The following PGCKA1 variants were observed in gnomAD, a reference collection of about 807,000 sequenced individuals.
PGCKA1 encodes PDCD10 and GCKIII kinases associated 1, also known as PDCD10 and GCKIII kinases-associated protein 1.
the PGCKA1 span, among the ~76,000 whole-genome samples, chr4:37,566,836 C>G: frequency 6.6e-6 from 1 of 152,230 alleles, no homozygotes; most frequent in African/African-American, 2.4e-5. Flanking sequence ...CCCACCTTGG[C>G]CTCCCAAAGT....
At chr4:37,570,146 A>ATTTTTTTT in the PGCKA1 span, among the ~76,000 whole-genome samples, 40 of 78,922 alleles carry the variant, frequency 5.1e-4, no homozygotes, top group African/African-American at 1.5e-3. Context: ...CGCCTGGCTA[A>ATTTTTTTT]TTTTTTTTTT....
At chr4:37,504,542 G>T in the PGCKA1 span, among the ~76,000 whole-genome samples, 1 of 152,100 alleles carries the variant, frequency 6.6e-6, no homozygotes, top group East Asian at 1.9e-4. Flanking sequence ...TATCAATATT[G>T]ATTCAATCCA....
chr4:37,554,497 G>GC, the PGCKA1 span, among the ~76,000 whole-genome samples: 1 of 152,060 alleles, frequency 6.6e-6, no homozygotes, highest in African/African-American at 2.4e-5. Flanking sequence ...ACAGGCATGT[G>GC]CCACCACGCC....
chr4:37,499,918 C>CTTTTTTTTTT, the PGCKA1 span, among the ~76,000 whole-genome samples: 12 of 79,250 alleles, frequency 1.5e-4, 2 homozygotes, highest in East Asian at 4.0e-4. Context: ...GTCTTCCTAA[C>CTTTTTTTTTT]TTTTTTTTTT....
At chr4:37,480,100 T>G in the PGCKA1 span, among the ~76,000 whole-genome samples, 1 of 152,182 alleles carries the variant, frequency 6.6e-6, no homozygotes, top group African/African-American at 2.4e-5. Context: ...AAATTGGCAG[T>G]GCATTAGAAA....
At chr4:37,475,106 C>T in the PGCKA1 span, among the ~76,000 whole-genome samples, 1 of 152,094 alleles carries the variant, frequency 6.6e-6, no homozygotes, top group Non-Finnish European at 1.5e-5. Flanking sequence ...AGGAAAAAGC[C>T]TTCTCGAGTT....
the PGCKA1 span, among the ~76,000 whole-genome samples, chr4:37,467,848 C>G: frequency 2.9e-3 from 438 of 152,292 alleles, 2 homozygotes; most frequent in African/African-American, 0.01. Context: ...ACATGCAGTA[C>G]AACAATTGAC....
chr4:37,578,736 A>G, the PGCKA1 span, among the ~76,000 whole-genome samples: 151,526 of 152,186 alleles, frequency 1, 75,440 homozygotes, highest in Middle Eastern at 1. Context: ...TTTAATTTGA[A>G]GTTGCCATGA....
At chr4:37,577,042 T>A in the PGCKA1 span, among the ~76,000 whole-genome samples, 2 of 152,184 alleles carry the variant, frequency 1.3e-5, no homozygotes, top group East Asian at 3.9e-4. Flanking sequence ...CCTGTAGTTT[T>A]CTTTTTTTTG....
the PGCKA1 span, among the ~76,000 whole-genome samples, chr4:37,560,169 C>T: frequency 6.6e-6 from 1 of 152,200 alleles, no homozygotes; most frequent in African/African-American, 2.4e-5. Context: ...ATGCCAATGC[C>T]ACCATCTCTT....
chr4:37,538,041 CCAT>C, the PGCKA1 span, among the ~76,000 whole-genome samples: 18 of 151,032 alleles, frequency 1.2e-4, no homozygotes, highest in African/African-American at 3.9e-4. Context: ...ACCATCACCA[CCAT>C]CATCATTACC....
the PGCKA1 span, among the ~76,000 whole-genome samples, chr4:37,528,572 T>TGGCA: frequency 3.3e-5 from 5 of 152,274 alleles, no homozygotes; most frequent in Admixed American, 6.5e-5. Context: ...GACAAACGCC[T>TGGCA]GGCACTAGGT....
the PGCKA1 span, among the ~76,000 whole-genome samples, chr4:37,486,412 C>T: frequency 3.9e-5 from 6 of 152,174 alleles, no homozygotes; most frequent in Admixed American, 3.3e-4. Context: ...CAAAAAGCTT[C>T]ACTGAAACCA....
the PGCKA1 span, among the ~76,000 whole-genome samples, chr4:37,538,044 T>C: frequency 1.3e-5 from 2 of 149,528 alleles, no homozygotes; most frequent in African/African-American, 5.1e-5. Flanking sequence ...ATCACCACCA[T>C]CATCATTACC....
the PGCKA1 span, among the ~76,000 whole-genome samples, chr4:37,481,143 G>T: frequency 2.2e-4 from 34 of 152,336 alleles, no homozygotes; most frequent in Middle Eastern, 3.4e-3. Flanking sequence ...TGAGACAACT[G>T]AGTTAGCCTA....
At chr4:37,509,346 G>C in the PGCKA1 span, among the ~76,000 whole-genome samples, 30,259 of 92,190 alleles carry the variant, frequency 0.33, 4,989 homozygotes, top group African/African-American at 0.39. Context: ...CAGAGACGCT[G>C]CTCACCTCCC....
At chr4:37,536,338 A>G in the PGCKA1 span, among the ~76,000 whole-genome samples, 3 of 152,048 alleles carry the variant, frequency 2.0e-5, no homozygotes, top group Admixed American at 2.0e-4. Context: ...TTACTGTACA[A>G]CAAATTACCC....
chr4:37,583,952 A>T, the PGCKA1 span, among the ~76,000 whole-genome samples: 1 of 152,190 alleles, frequency 6.6e-6, no homozygotes, highest in South Asian at 2.1e-4. Flanking sequence ...GAGGCAAGGA[A>T]GACAGCTGAT....
the PGCKA1 span, among the ~76,000 whole-genome samples, chr4:37,531,393 G>A: frequency 3.3e-5 from 5 of 152,112 alleles, no homozygotes; most frequent in Non-Finnish European, 1.5e-5. Flanking sequence ...TTGGGCCTTA[G>A]AGTCACTGTT....
Sources: gnomAD v4.1 joint callset for allele counts (sites outside exome capture counted in the v4.1 genomes callset) on GRCh38, gnomAD v4.1.1 for gene constraint, MANE v1.5 for transcripts, NCBI Gene and HGNC (gene_info 2026-07-23, HGNC 2026-07-21) for gene names.